ZNF638: variants seen among roughly 807,000 people sequenced by gnomAD.
ZNF638 encodes CTCL tumor antigen se33-1.
ZNF638 carries 46 observed loss-of-function variants against 195.6 expected under a neutral mutation model. The observed-to-expected ratio is 0.24, with a 90% CI of 0.19 to 0.30. The LOEUF is 0.30. ZNF638 is among the 10% of genes least tolerant of loss of function. The pLI, the probability that ZNF638 is intolerant of heterozygous loss-of-function variation, is 1.00. For synonymous variants in ZNF638, 845 were observed against 772.0 expected (o/e 1.09, Z -1.57); for missense variants, 2,440 against 2,325.3 (o/e 1.05, Z -1.01).
intron 20 of ZNF638, chr2:71,418,177 A>G (rs1178472749): frequency 6.5e-6 from 1 of 152,822 alleles, no homozygotes; most frequent in Non-Finnish European, 1.5e-5. Context: ...TAAAAGGATT[A>G]TTGTTCAATT....
Position 71,433,260 on chromosome 2 carries a change from A to G in ZNF638, c.5848A>G (p.Thr1950Ala). 6.2e-7 allele frequency: 1 copy of G among 1,613,582 alleles called. No homozygotes were observed. The highest frequency in any genetic ancestry group is 8.5e-7 in the Non-Finnish European group (1 of 1,179,522). ...AGCAATGACAAATCACTGCAAGAGT[A>G]CACGTCATAAGCAAAATACTGAGGT... ...EKAMTNHCKSTRHKQNTEKFM... is the reference protein window; with the variant it reads ...EKAMTNHCKSARHKQNTEKFM... The change falls in exon 27 of 28, where the codon ACA becomes GCA. Residue 1950 changes from threonine to alanine, a missense_variant. Transcript: ENST00000264447.
chr2:71,371,231 A>G (rs1373013178), intron 8 of ZNF638, among the ~76,000 whole-genome samples: 1 of 151,940 alleles, frequency 6.6e-6, no homozygotes, highest in Admixed American at 6.6e-5. Context: ...CATTTTCTTT[A>G]TCTATTCATG....
intron 10 of ZNF638, among the ~76,000 whole-genome samples, chr2:71,387,660 CTCAAAAA>C (rs1392761547): frequency 6.7e-6 from 1 of 149,194 alleles, no homozygotes; most frequent in Non-Finnish European, 1.5e-5. Flanking sequence ...GCAAGACTCT[CTCAAAAA>C]AAAAAAAGTA....
intron 1 of ZNF638, among the ~76,000 whole-genome samples, chr2:71,336,311 G>A (rs975691139): frequency 2.0e-5 from 3 of 150,744 alleles, no homozygotes; most frequent in Non-Finnish European, 4.4e-5. Flanking sequence ...CGGAGGTTGC[G>A]GTGAGCCGAG....
chr2:71,431,716 C>T (rs957030358), intron 26 of ZNF638, among the ~76,000 whole-genome samples: 4 of 150,818 alleles, frequency 2.7e-5, no homozygotes, highest in South Asian at 4.2e-4. Context: ...GCCGAGATAG[C>T]GCCACTGCAC....
chr2:71,358,356 A>C (rs1385483574), intron 3 of ZNF638, among the ~76,000 whole-genome samples: 1 of 152,184 alleles, frequency 6.6e-6, no homozygotes, highest in Non-Finnish European at 1.5e-5. Context: ...AGCACCATTC[A>C]AGAATCCATT....
chr2:71,386,880 T>A lies in ZNF638; in HGVS notation c.2377+6315T>A, dbSNP rs186350034. On this transcript the variant is annotated intron_variant, in intron 10 of 27. Transcript: ENST00000264447. ...TTCTTTTTTTCTTTTCTTCTTTTTT[T>A]TCTGTTGCCCAGGCTGGAGTTCAGT... is the stretch of plus-strand genomic sequence containing the variant. 1.4e-4 allele frequency among the ~76,000 whole-genome samples: 21 copies of A among 152,218 alleles called. No homozygotes were observed. In the East Asian group the frequency reaches 3.7e-3, roughly 27 times the overall value.
chr2:71,428,653 T>TA lies in ZNF638; in HGVS notation c.5650+5dup, dbSNP rs1433227210. 1.2e-6 allele frequency: 2 copies of TA among 1,610,864 alleles called. No individual in the cohort carries two copies. Among genetic ancestry groups the TA allele is most frequent in the Non-Finnish European group, 1.7e-6 (2 of 1,178,168 alleles). ...AAGAGGCCTTCCAGATGAGTGAAGG[T>TA]AAAGCAGGATTGTTGGAATGGGAAG... On this transcript the variant is annotated splice_region_variant and intron_variant, in intron 25 of 27. Coordinates refer to ENST00000264447, the MANE Select transcript of ZNF638 (RefSeq NM_014497.5).
rs201545017 is a variant in ZNF638, at chr2:71,393,491, C to T, written c.2378-2650C>T. On this transcript the variant is annotated intron_variant, in intron 10 of 27. Coordinates refer to ENST00000264447, the MANE Select transcript of ZNF638 (RefSeq NM_014497.5). ...GTGAAGGAAATGATCCTGCAGGACC[C>T]GCAGCTCCAGACAACACAGCTTCCT... 653 of 717,902 alleles carry T rather than the reference C, an allele frequency of 9.1e-4. 1 individual carries two copies. The highest frequency in any genetic ancestry group is 1.6e-3 in the Middle Eastern group (7 of 4,374). 44.5% of individuals were successfully genotyped at this position (717,902 alleles called of 1,614,324 possible).
In ZNF638 at chr2:71,396,181, C is replaced by T. The variant is rs1037237488; in HGVS notation, c.2418C>T (p.Asn806=). Reference sequence around the variant, plus strand: ...CCAAGGCATCTGTAGCCAAAGTAAACAAATCTACAGGTATGTTTTTTTAAT... The same window carrying T: ...CCAAGGCATCTGTAGCCAAAGTAAATAAATCTACAGGTATGTTTTTTTAAT... ...GQAKASVAKV[N]KSTGKSASSV... The change falls in exon 11 of 28, where the codon AAC becomes AAT. Residue 806 remains asparagine (N), a synonymous_variant. Coordinates refer to ENST00000264447, the MANE Select transcript of ZNF638 (RefSeq NM_014497.5). The T allele has an allele frequency of 6.2e-7, 1 of 1,612,434 alleles. No individual in the cohort carries two copies. Among genetic ancestry groups the T allele is most frequent in the Admixed American group, 1.7e-5 (1 of 59,712 alleles).
intron 3 of ZNF638, 71 bp downstream of exon 3, chr2:71,355,851 A>T: frequency 1.2e-6 from 1 of 849,770 alleles, no homozygotes; most frequent in Non-Finnish European, 1.8e-6. Context: ...TGTGACTGTT[A>T]AATACCTTTA....
intron 8 of ZNF638, among the ~76,000 whole-genome samples, chr2:71,371,845 A>G (rs916976595): frequency 6.6e-6 from 1 of 150,482 alleles, no homozygotes; most frequent in African/African-American, 2.4e-5. Flanking sequence ...GTTTGCAATT[A>G]TTTTCTCTCA....
At chr2:71,393,357 G>T in intron 10 of ZNF638, 1 of 712,964 alleles carries the variant, frequency 1.4e-6, no homozygotes, top group South Asian at 1.5e-5. Context: ...TTGCTAACGT[G>T]GGGAAGATGA....
Position 71,426,441 on chromosome 2 carries a change from A to T in ZNF638, c.4591-19A>T. On this transcript the variant is annotated intron_variant, in intron 23 of 27. Coordinates refer to ENST00000264447, the MANE Select transcript of ZNF638 (RefSeq NM_014497.5). The stretch of plus-strand genomic sequence containing the variant: ...GTCAAAATTTGTTTACAATACTATG[A>T]TTTTTAACTTTCCAACAGGAGCCAT... 2 of 1,534,022 alleles carry T rather than the reference A, an allele frequency of 1.3e-6. No individual in the cohort carries two copies. The highest frequency in any genetic ancestry group is 1.7e-6 in the Non-Finnish European group (2 of 1,144,036).
At chr2:71,348,445 AT>A in intron 1 of ZNF638, 1 of 1,015,502 alleles carries the variant, frequency 9.8e-7, no homozygotes, top group Non-Finnish European at 1.2e-6. Flanking sequence ...CGTGAAATAA[AT>A]TCCCAGTATT....
rs774390802 is a variant in ZNF638, at chr2:71,380,556, A to G, written c.2368A>G (p.Thr790Ala). 1.2e-6 allele frequency: 2 copies of G among 1,603,212 alleles called. No homozygotes were observed. Among genetic ancestry groups the G allele is most frequent in the Middle Eastern group, 1.7e-4 (1 of 6,010 alleles). ...ASKAVEIVTS[T>A]SAAKTGQAKA... ...AAAAGCTGTTGAAATTGTTACTTCAACTTCTGCTGGTAAGTTGTTACTTTT... is the reference window on the plus strand; with the variant it reads ...AAAAGCTGTTGAAATTGTTACTTCAGCTTCTGCTGGTAAGTTGTTACTTTT... Residue 790 changes from threonine (T) to alanine (A), a missense_variant, in exon 10 of 28, where the codon ACT (threonine) becomes GCT (alanine). Around this residue, in one of 5 missense-constraint regions of ZNF638, gnomAD observed 1,883 missense variants for 1,739.1 expected, o/e 1.08. Coordinates refer to ENST00000264447, the MANE Select transcript of ZNF638 (RefSeq NM_014497.5).
chr2:71,430,610 C>G lies in ZNF638; in HGVS notation c.5651-717C>G, dbSNP rs146236556. 1.3e-3 allele frequency among the ~76,000 whole-genome samples: 195 copies of G among 152,312 alleles called. No individual in the cohort carries two copies. The Middle Eastern group carries it at 0.014, about 11-fold the overall frequency. On this transcript the variant is annotated intron_variant, in intron 25 of 27. Transcript: ENST00000264447. ...CCTCTTTTGATTGTGCTTTCTCCAT[C>G]TCTGAAGAAATAGGGATGGGTTAAT...
At chr2:71,395,343 A>T in intron 10 of ZNF638, 1 of 714,692 alleles carries the variant, frequency 1.4e-6, no homozygotes, top group Non-Finnish European at 2.6e-6. Flanking sequence ...GATGCAAAAA[A>T]CAAAAGGGGG....
rs747770079 is a variant in ZNF638 at position 71,423,297 on chromosome 2, T to C, written c.3783T>C (p.Ala1261=). 1 of 1,613,956 alleles carries C rather than the reference T, an allele frequency of 6.2e-7. No individual in the cohort carries two copies. Among genetic ancestry groups the C allele is most frequent in the South Asian group, 1.1e-5 (1 of 91,082 alleles). The change falls in exon 22 of 28, where the codon GCT becomes GCC. Residue 1261 remains alanine, a synonymous_variant. Transcript: ENST00000264447. ...ISGITQTMVE[A]VAEVEKNETV... is the part of the protein sequence containing the mutation. ...GAATTACACAGACTATGGTAGAAGC[T>C]GTAGCTGAAGTAGAAAAAAATGAAA... is the stretch of plus-strand genomic sequence containing the variant.
Sources: allele counts gnomAD v4.1 joint callset (sites outside exome capture counted in the v4.1 genomes callset), GRCh38; gene constraint gnomAD v4.1.1; regional missense constraint gnomAD v4.1.1; transcripts MANE v1.5; gene names NCBI Gene and HGNC (gene_info 2026-07-23, HGNC 2026-07-21).